The following PAG1 variants were observed in gnomAD, a reference collection of about 807,000 sequenced individuals.
The protein encoded by PAG1 is phosphoprotein associated with glycosphingolipid-enriched microdomains 1.
Under a neutral mutation model 31.7 loss-of-function variants are expected in PAG1, and 23 were observed. The ratio of observed to expected loss-of-function variants is 0.73; its 90% CI spans 0.52 to 1.03. The LOEUF (loss-of-function observed/expected upper bound fraction) is 1.03. Among genes scored for constraint, PAG1 ranks in the 50% least tolerant of loss-of-function variants. The pLI is 0.00. For missense variants in PAG1, 473 were observed against 540.7 expected, an observed-to-expected ratio of 0.87 and a Z score of 1.24; for synonymous variants, 214 against 210.3, an observed-to-expected ratio of 1.02 and a Z score of -0.15.
chr8:81,010,115 T>C lies in PAG1; in HGVS notation c.-80-16808A>G, dbSNP rs368052049. 3.9e-5 allele frequency among the ~76,000 whole-genome samples: 6 copies of C among 152,254 alleles called. No homozygotes were observed. The East Asian group carries it at 5.8e-4, about 15-fold the overall frequency. ...AGCAGATGCTATTCCATCTTATTTC[T>C]CTTGTAGTATTGGAACATGTCATAA... On this transcript the variant is annotated intron_variant, in intron 3 of 8. Transcript: ENST00000220597.
chr8:81,039,754 C>T (rs1808524136), intron 2 of PAG1, among the ~76,000 whole-genome samples: 1 of 152,160 alleles, frequency 6.6e-6, no homozygotes, highest in Non-Finnish European at 1.5e-5. Context: ...AATCCATCTG[C>T]TATATGGAGT....
intron 1 of PAG1, among the ~76,000 whole-genome samples, chr8:81,099,813 C>G (rs1345017547): frequency 6.6e-6 from 1 of 152,164 alleles, no homozygotes; most frequent in African/African-American, 2.4e-5. Context: ...TAGCTCTGTA[C>G]GTTTACTAAA....
intron 2 of PAG1, among the ~76,000 whole-genome samples, chr8:81,055,803 A>T (rs2130899203): frequency 6.6e-6 from 1 of 152,166 alleles, no homozygotes. Flanking sequence ...TTGCACATTG[A>T]TTTTGTATCC....
At position 81,111,861 on chromosome 8, in the gene PAG1, G is replaced by C. The variant is rs905779231; in HGVS notation, c.-504C>G. The C allele has an allele frequency of 6.6e-6, 1 of 152,268 alleles. No individual in the cohort carries two copies. The highest frequency in any genetic ancestry group is 2.4e-5 in the African/African-American group (1 of 41,448). The allele number at this position is 152,268 out of a possible 1,614,324, so 9.4% of individuals were successfully genotyped here. On this transcript the variant is annotated 5_prime_UTR_variant, in exon 1 of 9. Transcript: ENST00000220597. ...AGCGCTGCAGCTGCCTCCAGCCCCG[G>C]AGCGCGGCGCTCCGAGCCCCTGGTG...
intron 8 of PAG1, among the ~76,000 whole-genome samples, chr8:80,978,331 C>A (rs796859914): frequency 4.6e-5 from 7 of 152,224 alleles, no homozygotes; most frequent in African/African-American, 1.2e-4. Flanking sequence ...ATTATAATTT[C>A]TTTGAATTTA....
intron 1 of PAG1, among the ~76,000 whole-genome samples, chr8:81,093,356 T>C (rs1349869042): frequency 2.0e-5 from 3 of 152,174 alleles, no homozygotes; most frequent in Non-Finnish European, 4.4e-5. Flanking sequence ...GGTATGTTCA[T>C]TTTACTTCAC....
intron 8 of PAG1, among the ~76,000 whole-genome samples, chr8:80,978,532 C>T (rs1232789035): frequency 1.3e-5 from 2 of 152,164 alleles, no homozygotes; most frequent in Non-Finnish European, 2.9e-5. Context: ...GTACCTTGAC[C>T]TAGATTGTAA....
At chr8:80,980,092 T>C (rs1807267262) in intron 8 of PAG1, among the ~76,000 whole-genome samples, 1 of 152,198 alleles carries the variant, frequency 6.6e-6, no homozygotes, top group Non-Finnish European at 1.5e-5. Flanking sequence ...CAACCCATGA[T>C]TCATTTCCTT....
At chr8:81,021,501 AGTGT>A (rs997644332) in intron 3 of PAG1, among the ~76,000 whole-genome samples, 1 of 100,406 alleles carries the variant, frequency 1.0e-5, no homozygotes, top group Non-Finnish European at 2.2e-5. Flanking sequence ...CATTACTTCA[AGTGT>A]GTGTGTGTGT....
At chr8:81,054,598 C>A (rs1195375391) in intron 2 of PAG1, among the ~76,000 whole-genome samples, 1 of 152,018 alleles carries the variant, frequency 6.6e-6, no homozygotes, top group African/African-American at 2.4e-5. Flanking sequence ...GTGGTGTGAA[C>A]CTGGGAGATG....
At chr8:81,025,666 A>G (rs750813731) in intron 3 of PAG1, among the ~76,000 whole-genome samples, 20 of 152,190 alleles carry the variant, frequency 1.3e-4, no homozygotes, top group Non-Finnish European at 1.8e-4. Context: ...TCCTTTCTCT[A>G]CATGCTGCTC....
intron 2 of PAG1, among the ~76,000 whole-genome samples, chr8:81,037,895 T>C (rs1409803908): frequency 2.6e-5 from 4 of 152,364 alleles, no homozygotes; most frequent in South Asian, 4.1e-4. Context: ...GGAACTTTCT[T>C]TTGGACTGGG....
At position 80,993,173 on chromosome 8, in the gene PAG1, C is replaced by T; in HGVS notation, c.55G>A (p.Gly19Arg). The change falls in exon 4 of 9, where the codon GGA (glycine) becomes AGA (arginine). Residue 19 changes from glycine to arginine, a missense_variant. Transcript: ENST00000220597. Reference protein sequence around the residue: ...GSGQMQITLWGSLAAVAIFFV... With the variant: ...GSGQMQITLWRSLAAVAIFFV... Reference sequence around the variant, plus strand: ...AAAATGGCGACAGCAGCCAGACTTCCCCACAGGGTGATCTGCATCTGTCCG... The same window carrying T: ...AAAATGGCGACAGCAGCCAGACTTCTCCACAGGGTGATCTGCATCTGTCCG... The T allele has an allele frequency of 6.2e-7, 1 of 1,613,782 alleles. No individual in the cohort carries two copies. The highest frequency in any genetic ancestry group is 8.5e-7 in the Non-Finnish European group (1 of 1,179,908).
chr8:81,072,617 T>C (rs147596002), intron 1 of PAG1, among the ~76,000 whole-genome samples: 8 of 152,310 alleles, frequency 5.3e-5, no homozygotes, highest in African/African-American at 1.7e-4. Flanking sequence ...GGTGAGAGGA[T>C]TGCTTGAGCC....
Position 81,051,104 on chromosome 8 carries a change from T to A in PAG1, c.-175+19008A>T, listed in dbSNP as rs145926874. On this transcript the variant is annotated intron_variant, in intron 2 of 8. Transcript: ENST00000220597. ...TATGCAGTGGGTTTTTCTCCATCCA[T>A]CTGTAAGCTGTCTCTGATACTGAGT... Among the ~76,000 whole-genome samples the A allele has an allele frequency of 3.4e-3, 525 of 152,320 alleles. 3 individuals are homozygous for A. Among genetic ancestry groups the A allele is most frequent in the African/African-American group, 0.012 (502 of 41,552 alleles).
At chr8:81,011,710 A>C (rs1807987871) in intron 3 of PAG1, among the ~76,000 whole-genome samples, 1 of 152,228 alleles carries the variant, frequency 6.6e-6, no homozygotes. Context: ...GAATGTGTAC[A>C]GTTGCAATTT....
chr8:81,011,128 T>C (rs1231911741), intron 3 of PAG1, among the ~76,000 whole-genome samples: 1 of 152,242 alleles, frequency 6.6e-6, no homozygotes, highest in African/African-American at 2.4e-5. Flanking sequence ...GTGTTTATTG[T>C]TGTATGTACA....
chr8:81,014,263 C>A (rs1198004792), intron 3 of PAG1, among the ~76,000 whole-genome samples: 1 of 152,222 alleles, frequency 6.6e-6, no homozygotes, highest in Non-Finnish European at 1.5e-5. Context: ...AACCGGAAAT[C>A]ATTCTCAGGC....
chr8:81,032,764 G>T (rs561214073), intron 2 of PAG1, among the ~76,000 whole-genome samples: 4 of 152,290 alleles, frequency 2.6e-5, no homozygotes, highest in African/African-American at 9.6e-5. Context: ...ACAAAAACTT[G>T]CACATAGATA....
Sources: allele counts gnomAD v4.1 joint callset (sites outside exome capture counted in the v4.1 genomes callset), GRCh38; gene constraint gnomAD v4.1.1; transcripts MANE v1.5; gene names NCBI Gene and HGNC (gene_info 2026-07-23, HGNC 2026-07-21).